Variants in PLEKHA8 observed in about 807,000 individuals in gnomAD.
PLEKHA8 encodes the protein pleckstrin homology domain containing A8.
In PLEKHA8, 36 loss-of-function variants were observed where a neutral mutation model predicts 68.2. The observed-to-expected ratio is 0.53, with a 90% CI of 0.40 to 0.70. The LOEUF (loss-of-function observed/expected upper bound fraction) is 0.70. Among genes scored for constraint, PLEKHA8 ranks in the 30% least tolerant of loss-of-function variants. PLEKHA8 has a pLI of 0.00. For synonymous variants in PLEKHA8, 211 were observed against 216.1 expected (o/e 0.98, Z 0.20); for missense variants, 505 against 615.4 (o/e 0.82, Z 1.90).
intron 1 of PLEKHA8, 95 bp downstream of exon 1, chr7:30,028,897 C>A: frequency 6.7e-6 from 8 of 1,194,342 alleles, no homozygotes; most frequent in Non-Finnish European, 8.4e-6. Context: ...GGGAGGGGGT[C>A]ACGGCCCTTT....
chr7:30,116,230 A>G (rs541022842), intron 13 of PLEKHA8, among the ~76,000 whole-genome samples: 31 of 149,658 alleles, frequency 2.1e-4, no homozygotes, highest in Admixed American at 1.7e-3. Context: ...ATATACGTAT[A>G]CATGTATGCG....
chr7:30,082,443 C>A lies in PLEKHA8; in HGVS notation c.*3656C>A. ...GATCAGTGGGGATTCTGTTCCCCCA[C>A]CCCCCAGACTGCAAGAGCTTCTTAA... On this transcript the variant is annotated 3_prime_UTR_variant, in exon 14 of 14. Transcript: ENST00000449726. 1.0e-6 allele frequency: 1 copy of A among 984,792 alleles called. No individual in the cohort carries two copies. The highest frequency in any genetic ancestry group is 1.2e-6 in the Non-Finnish European group (1 of 829,538). 61.0% of individuals were successfully genotyped at this position (984,792 alleles called of 1,614,324 possible). A position where few individuals can be genotyped will look rare whatever the true frequency, so the allele number is the denominator to read the frequency against.
At chr7:30,121,100 T>C (rs1796689287) in intron 13 of PLEKHA8, among the ~76,000 whole-genome samples, 1 of 151,790 alleles carries the variant, frequency 6.6e-6, no homozygotes, top group Admixed American at 6.6e-5. Context: ...GGATACATAC[T>C]GTGATTTACC....
chr7:30,129,186 G>A, intron 13 of PLEKHA8: 2 of 1,596,764 alleles, frequency 1.3e-6, no homozygotes, highest in Non-Finnish European at 8.6e-7. Context: ...ATATGTAACA[G>A]GAAGTTGCTG....
intron 13 of PLEKHA8, among the ~76,000 whole-genome samples, chr7:30,123,059 A>G (rs57040229): frequency 0.14 from 21,441 of 152,040 alleles, 1,526 homozygotes; most frequent in Middle Eastern, 0.19. Context: ...AGTTCCTGTT[A>G]TTGACAACCA....
intron 13 of PLEKHA8, among the ~76,000 whole-genome samples, chr7:30,121,486 G>T (rs1032845440): frequency 1.3e-5 from 2 of 152,118 alleles, no homozygotes; most frequent in African/African-American, 2.4e-5. Context: ...AAAATTATCC[G>T]GGTGTGGTGG....
Position 30,115,493 on chromosome 7 carries a change from CAT to C in PLEKHA8, c.1363-13770_1363-13769del, listed in dbSNP as rs370501679. The stretch of plus-strand genomic sequence containing the variant: ...ACACACATGTATACGTGTATGTAGA[CAT>C]ATGTATACATATGTACACATACACG... On this transcript the variant is annotated intron_variant, in intron 13 of 13. Transcript: ENST00000396257. 3.1e-3 allele frequency among the ~76,000 whole-genome samples: 476 copies of C among 151,488 alleles called. 2 individuals are homozygous for C. The highest frequency in any genetic ancestry group is 9.9e-3 in the African/African-American group (408 of 41,274).
intron 13 of PLEKHA8, among the ~76,000 whole-genome samples, chr7:30,075,661 A>G (rs1392209314): frequency 1.3e-5 from 2 of 152,150 alleles, no homozygotes. Context: ...CCCTGAATGA[A>G]TATTGTGATT....
At chr7:30,092,956 A>G (rs1001277474), downstream of PLEKHA8, among the ~76,000 whole-genome samples, 2 of 152,216 alleles carry the variant, frequency 1.3e-5, no homozygotes, top group Non-Finnish European at 2.9e-5. Context: ...CACTTTATTT[A>G]AAGTTCATTG....
chr7:30,043,983 A>G (rs547872237), intron 1 of PLEKHA8, among the ~76,000 whole-genome samples: 1 of 151,916 alleles, frequency 6.6e-6, no homozygotes, highest in South Asian at 2.1e-4. Context: ...ACTGCATCTG[A>G]CTGAGGAGGA....
intron 1 of PLEKHA8, among the ~76,000 whole-genome samples, chr7:30,036,406 G>C (rs1791081825): frequency 7.6e-6 from 1 of 131,534 alleles, no homozygotes; most frequent in Non-Finnish European, 1.6e-5. Flanking sequence ...GGATAGGATA[G>C]AATAGATAGA....
At chr7:30,106,626 C>T (rs1301797338) in intron 13 of PLEKHA8, among the ~76,000 whole-genome samples, 1 of 152,126 alleles carries the variant, frequency 6.6e-6, no homozygotes, top group Non-Finnish European at 1.5e-5. Context: ...CTCCCCTGCA[C>T]CTACAAATAA....
chr7:30,115,537 T>C (rs1275753718), intron 13 of PLEKHA8, among the ~76,000 whole-genome samples: 1 of 149,992 alleles, frequency 6.7e-6, no homozygotes, highest in Non-Finnish European at 1.5e-5. Flanking sequence ...TGTAGACATA[T>C]GTACACATGC....
chr7:30,060,240 G>A (rs1160507085), intron 9 of PLEKHA8, among the ~76,000 whole-genome samples: 2 of 152,148 alleles, frequency 1.3e-5, no homozygotes, highest in Admixed American at 6.5e-5. Flanking sequence ...TTAGGAGTTC[G>A]AGACCAGCCT....
downstream of PLEKHA8, chr7:30,129,473 CTT>C: frequency 1.3e-6 from 1 of 780,594 alleles, no homozygotes; most frequent in Non-Finnish European, 2.0e-6. Flanking sequence ...GTTCAAGTCA[CTT>C]TAGTCAAGAT....
chr7:30,050,480 G>C lies in PLEKHA8; in HGVS notation c.638+6G>C. 1.3e-6 allele frequency: 2 copies of C among 1,557,728 alleles called. No individual in the cohort carries two copies. The highest frequency in any genetic ancestry group is 1.7e-6 in the Non-Finnish European group (2 of 1,157,308). ...ATTCATAATTCATTGGAAAGGTACA[G>C]TAGCTTTTTTCTTCTTGCTAAAAAT... On this transcript the variant is annotated splice_donor_region_variant and intron_variant, in intron 6 of 13. Transcript: ENST00000449726.
chr7:30,078,633 C>T lies in PLEKHA8; in HGVS notation c.1406C>T (p.Ala469Val), dbSNP rs779344389. 7 of 1,613,798 alleles carry T rather than the reference C, an allele frequency of 4.3e-6. No homozygotes were observed. Among genetic ancestry groups the T allele is most frequent in the East Asian group, 4.5e-5 (2 of 44,878 alleles). Reference protein sequence around the residue: ...AAPSYEDFVAALTVKEGDHQK... With the variant: ...AAPSYEDFVAVLTVKEGDHQK... Reference sequence around the variant, plus strand: ...CCATCCTATGAAGATTTTGTGGCCGCGTTAACCGTAAAGGAAGGTGACCAC... The same window carrying T: ...CCATCCTATGAAGATTTTGTGGCCGTGTTAACCGTAAAGGAAGGTGACCAC... Residue 469 changes from alanine (A) to valine (V), a missense_variant, in exon 14 of 14, where the codon GCG becomes GTG. Transcript: ENST00000449726.
chr7:30,098,913 C>T (rs1795741643), intron 13 of PLEKHA8, among the ~76,000 whole-genome samples: 1 of 152,210 alleles, frequency 6.6e-6, no homozygotes, highest in African/African-American at 2.4e-5. Flanking sequence ...GTCGCTCACG[C>T]TGGGAGCTGT....
chr7:30,054,849 A>C lies in PLEKHA8; in HGVS notation c.937A>C (p.Ser313Arg). 1 of 1,608,074 alleles carries C rather than the reference A, an allele frequency of 6.2e-7. No homozygotes were observed. Among genetic ancestry groups the C allele is most frequent in the East Asian group, 2.2e-5 (1 of 44,630 alleles). Reference protein sequence around the residue: ...EGKEVIPTFFSTMNTSFSDIE... With the variant: ...EGKEVIPTFFRTMNTSFSDIE... ...CAAAGAAGTTATCCCAACTTTCTTT[A>C]GTACCATGAACACAAGGTATTCTAG... Residue 313 changes from serine to arginine, a missense_variant, in exon 8 of 14, where the codon AGT becomes CGT. Physicochemically the swap from Ser to Arg is moderately radical, Grantham distance 110. Coordinates refer to ENST00000449726, the MANE Select transcript of PLEKHA8 (RefSeq NM_001197026.2).
Sources: gnomAD v4.1 joint callset for allele counts (sites outside exome capture counted in the v4.1 genomes callset) on GRCh38, gnomAD v4.1.1 for gene constraint, MANE v1.5 for transcripts, NCBI Gene and HGNC (gene_info 2026-07-23, HGNC 2026-07-21) for gene names.